SEMA3D: variants seen among roughly 807,000 people sequenced by gnomAD.
SEMA3D encodes the protein semaphorin-3D.
SEMA3D carries 84 observed loss-of-function variants against 100.1 expected under a neutral mutation model. The observed-to-expected ratio is 0.84, with a 90% CI of 0.70 to 1.01. The LOEUF (loss-of-function observed/expected upper bound fraction) is 1.01, where lower values mean the gene tolerates loss of function less well. Among genes scored for constraint, SEMA3D ranks in the 50% least tolerant of loss-of-function variants. The probability of loss-of-function intolerance (pLI) is 0.00; values close to 1 mark genes in which losing one functional copy is unlikely to be tolerated. For synonymous variants in SEMA3D, 312 were observed against 320.7 expected (o/e 0.97, Z 0.29); for missense variants, 875 against 934.1 (o/e 0.94, Z 0.82).
chr7:85,017,422 A>T (rs375889424), intron 15 of SEMA3D, among the ~76,000 whole-genome samples: 20 of 151,860 alleles, frequency 1.3e-4, no homozygotes, highest in African/African-American at 4.8e-4. Context: ...TTAGGCCTTC[A>T]AGAAATAAAT....
At chr7:85,193,766 C>T in the SEMA3D span, among the ~76,000 whole-genome samples, 2 of 152,052 alleles carry the variant, frequency 1.3e-5, no homozygotes, top group Non-Finnish European at 2.9e-5. Context: ...TCCTCTTCTT[C>T]TGGATCTTAC....
chr7:85,013,472 C>A (rs573683024), intron 16 of SEMA3D, among the ~76,000 whole-genome samples: 1 of 151,642 alleles, frequency 6.6e-6, no homozygotes, highest in African/African-American at 2.4e-5. Context: ...TTTTGTATCA[C>A]ATCACATATT....
rs763488700 is a variant in SEMA3D, at chr7:84,999,868, G to A, written c.1909-3C>T. The A allele has an allele frequency of 1.9e-6, 3 of 1,609,504 alleles. No individual in the cohort carries two copies. Among genetic ancestry groups the A allele is most frequent in the South Asian group, 1.1e-5 (1 of 90,880 alleles). On this transcript the variant is annotated splice_polypyrimidine_tract_variant and splice_region_variant and intron_variant, in intron 18 of 18. Coordinates refer to ENST00000284136, the MANE Select transcript of SEMA3D (RefSeq NM_001384900.1). The stretch of plus-strand genomic sequence containing the variant: ...ATGATTCTTTCATCGGGCTTCAACT[G>A]CAGAATTGGAAAAATGTAGGTAATA...
intron 3 of SEMA3D, among the ~76,000 whole-genome samples, chr7:85,116,570 T>G (rs1789251989): frequency 6.6e-6 from 1 of 151,596 alleles, no homozygotes; most frequent in African/African-American, 2.4e-5. Context: ...TTTTGTAGCT[T>G]GCCTATTCCT....
intron 1 of SEMA3D, chr7:85,167,422 T>C (rs1043388163): frequency 4.1e-6 from 4 of 977,394 alleles, no homozygotes; most frequent in Admixed American, 6.2e-5. Context: ...ATTTTCACCT[T>C]TGAATGATAT....
chr7:85,238,071 T>C, the SEMA3D span, among the ~76,000 whole-genome samples: 2 of 152,240 alleles, frequency 1.3e-5, no homozygotes, highest in Non-Finnish European at 2.9e-5. Context: ...TTTGATGATG[T>C]ATCTGTTCAG....
chr7:85,129,003 T>A (rs146547904), intron 2 of SEMA3D, among the ~76,000 whole-genome samples: 2,942 of 151,046 alleles, frequency 0.019, 58 homozygotes, highest in South Asian at 0.083. Flanking sequence ...GTGATCCACC[T>A]GCCTTGGCTT....
intron 4 of SEMA3D, among the ~76,000 whole-genome samples, chr7:85,093,486 C>T (rs1041051984): frequency 1.3e-5 from 2 of 151,764 alleles, no homozygotes; most frequent in East Asian, 1.9e-4. Context: ...CAAGAGTGGC[C>T]GACAGAGAAA....
rs1056578978 is a variant in SEMA3D, at chr7:84,997,673, T to G, written c.*1767A>C. Reference sequence around the variant, plus strand: ...GCTCTCAACATAGAGCCACAGATCTTGCATTAAGTTGCCCTCTAATCACAG... The same window carrying G: ...GCTCTCAACATAGAGCCACAGATCTGGCATTAAGTTGCCCTCTAATCACAG... On this transcript the variant is annotated 3_prime_UTR_variant, in exon 19 of 19. Coordinates refer to ENST00000284136, the MANE Select transcript of SEMA3D (RefSeq NM_001384900.1). The G allele has an allele frequency of 6.6e-6, 1 of 152,540 alleles. No homozygotes were observed. The highest frequency in any genetic ancestry group is 2.4e-5 in the African/African-American group (1 of 41,440). 9.4% of individuals were successfully genotyped at this position (152,540 alleles called of 1,614,324 possible). A position where few individuals can be genotyped will look rare whatever the true frequency, so the allele number is the denominator to read the frequency against.
intron 2 of SEMA3D, among the ~76,000 whole-genome samples, chr7:85,130,224 G>T (rs959988453): frequency 1.3e-5 from 2 of 152,048 alleles, no homozygotes; most frequent in Admixed American, 1.3e-4. Context: ...ACCAAACTCA[G>T]CAACTATCAA....
chr7:85,100,312 C>CTTT (rs61378869), intron 3 of SEMA3D, among the ~76,000 whole-genome samples: 78 of 142,614 alleles, frequency 5.5e-4, no homozygotes, highest in East Asian at 1.0e-3. Flanking sequence ...GTTGATTTTT[C>CTTT]TTTTTTTTTT....
chr7:85,216,940 G>A, the SEMA3D span, among the ~76,000 whole-genome samples: 2 of 150,996 alleles, frequency 1.3e-5, no homozygotes, highest in Non-Finnish European at 3.0e-5. Flanking sequence ...GAGTCTCCGT[G>A]GTCATTAAAT....
chr7:85,124,629 G>A (rs1789516582), intron 2 of SEMA3D, among the ~76,000 whole-genome samples: 2 of 152,002 alleles, frequency 1.3e-5, no homozygotes, highest in Admixed American at 6.6e-5. Context: ...CTTTCATGGA[G>A]GACAGAGAAA....
chr7:85,123,297 A>C (rs1789479689), intron 2 of SEMA3D, among the ~76,000 whole-genome samples: 1 of 152,152 alleles, frequency 6.6e-6, no homozygotes, highest in African/African-American at 2.4e-5. Flanking sequence ...ACTAGGAAAT[A>C]GGCCACAGGA....
intron 3 of SEMA3D, among the ~76,000 whole-genome samples, chr7:85,114,094 T>C (rs1583936350): frequency 6.6e-6 from 1 of 152,172 alleles, no homozygotes; most frequent in Non-Finnish European, 1.5e-5. Flanking sequence ...CTCAAGTCAA[T>C]AAGTTGTCAT....
At chr7:85,073,187 C>A in intron 5 of SEMA3D, 106 bp from the exon 6 acceptor site, 4 of 1,007,510 alleles carry the variant, frequency 4.0e-6, no homozygotes, top group Admixed American at 2.3e-5. Flanking sequence ...AAAATAAGAG[C>A]ACAAATGAAA....
chr7:85,028,408 G>A, intron 12 of SEMA3D: 1 of 454,412 alleles, frequency 2.2e-6, no homozygotes, highest in Non-Finnish European at 3.9e-6. Flanking sequence ...AAAAAAGGTT[G>A]GAGCTGAAAG....
intron 17 of SEMA3D, among the ~76,000 whole-genome samples, chr7:85,012,574 C>T (rs570007761): frequency 6.3e-4 from 96 of 151,762 alleles, no homozygotes; most frequent in African/African-American, 2.3e-3. Flanking sequence ...ACATATGAAA[C>T]AAATAATGAT....
At chr7:85,080,493 T>C (rs1245297620) in intron 5 of SEMA3D, among the ~76,000 whole-genome samples, 1 of 152,164 alleles carries the variant, frequency 6.6e-6, no homozygotes, top group Non-Finnish European at 1.5e-5. Context: ...ATGGCATAAC[T>C]GAGCTTAATA....
Sources: allele counts gnomAD v4.1 joint callset (sites outside exome capture counted in the v4.1 genomes callset), GRCh38; gene constraint gnomAD v4.1.1; transcripts MANE v1.5; gene names NCBI Gene and HGNC (gene_info 2026-07-23, HGNC 2026-07-21).